Variants in AVPI1 observed in about 807,000 individuals in gnomAD.
AVPI1 encodes the protein arginine vasopressin-induced protein 1.
AVPI1 carries 9 observed loss-of-function variants against 11.9 expected under a neutral mutation model. The observed-to-expected ratio is 0.76, with a 90% CI of 0.46 to 1.32. The LOEUF (loss-of-function observed/expected upper bound fraction) is 1.32. Among genes scored for constraint, AVPI1 ranks in the 40% most tolerant of loss-of-function variants. The pLI, the probability that AVPI1 is intolerant of heterozygous loss-of-function variation, is 0.00. For missense variants in AVPI1, 207 were observed against 195.8 expected (o/e 1.06, Z -0.34); for synonymous variants, 68 against 78.1 (o/e 0.87, Z 0.68).
At position 97,677,721 on chromosome 10, in the gene AVPI1, G is replaced by A. The variant is rs916966163; in HGVS notation, c.*148C>T. ...ATGGAGAGCTCAACAGAAGCATCCA[G>A]TCTTGTTCTGAATGGAGCAGGTCAG... On this transcript the variant is annotated 3_prime_UTR_variant, in exon 3 of 3. Coordinates refer to ENST00000370626, the MANE Select transcript of AVPI1 (RefSeq NM_021732.3). 3.3e-6 allele frequency: 3 copies of A among 897,864 alleles called. No homozygotes were observed. Among genetic ancestry groups the A allele is most frequent in the Non-Finnish European group, 1.7e-6 (1 of 597,382 alleles). 55.6% of individuals were successfully genotyped at this position (897,864 alleles called of 1,614,324 possible).
rs1037420791 is a variant in AVPI1, at chr10:97,677,473, A to T, written c.*396T>A. 1 of 178,888 alleles carries T rather than the reference A, an allele frequency of 5.6e-6. No homozygotes were observed. Among genetic ancestry groups the T allele is most frequent in the African/African-American group, 2.4e-5 (1 of 42,116 alleles). 11.1% of individuals were successfully genotyped at this position (178,888 alleles called of 1,614,324 possible). A position where few individuals can be genotyped will look rare whatever the true frequency, so the allele number is the denominator to read the frequency against. On this transcript the variant is annotated 3_prime_UTR_variant, in exon 3 of 3. Transcript: ENST00000370626. ...ACTTAAACTACAGTTTCCCTGTGCT[A>T]TCCTGATGGTGTGGGGGTGTGGAAC...
At chr10:97,678,946 T>G (rs1564779870) in intron 2 of AVPI1, among the ~76,000 whole-genome samples, 2 of 43,182 alleles carry the variant, frequency 4.6e-5, no homozygotes, top group Admixed American at 2.8e-4. Context: ...TGTGTGTGTG[T>G]GTGTGTGTGT....
At chr10:97,685,764 G>A (rs1234474687) in intron 1 of AVPI1, among the ~76,000 whole-genome samples, 1 of 152,150 alleles carries the variant, frequency 6.6e-6, no homozygotes, top group African/African-American at 2.4e-5. Context: ...GAGGTATGCC[G>A]AGACAACTGG....
chr10:97,687,013 G>A lies in AVPI1; in HGVS notation c.-258C>T, dbSNP rs1250925229. On this transcript the variant is annotated 5_prime_UTR_variant, in exon 1 of 3. Coordinates refer to ENST00000370626, the MANE Select transcript of AVPI1 (RefSeq NM_021732.3). ...ACGTGGCCGCTTCGCAGAACGACGGGGTCCTAAGTGGATCTGGCGGTCGCG... is the reference window on the plus strand; with the variant it reads ...ACGTGGCCGCTTCGCAGAACGACGGAGTCCTAAGTGGATCTGGCGGTCGCG... 2 of 152,240 alleles carry A rather than the reference G, an allele frequency of 1.3e-5. No homozygotes were observed. The highest frequency in any genetic ancestry group is 2.1e-4 in the South Asian group (1 of 4,834). The allele number at this position is 152,240 out of a possible 1,614,324, so 9.4% of individuals were successfully genotyped here.
chr10:97,684,914 C>T (rs1362596929), intron 1 of AVPI1, among the ~76,000 whole-genome samples: 1 of 152,156 alleles, frequency 6.6e-6, no homozygotes, highest in Middle Eastern at 3.2e-3. Context: ...TTGGGAAAAC[C>T]GATGAAATGT....
chr10:97,685,102 C>A (rs2041722573), intron 1 of AVPI1, among the ~76,000 whole-genome samples: 1 of 152,030 alleles, frequency 6.6e-6, no homozygotes. Flanking sequence ...TAAAAGATTA[C>A]AAATGGACCT....
At chr10:97,685,760 T>C (rs1210165946) in intron 1 of AVPI1, among the ~76,000 whole-genome samples, 1 of 152,172 alleles carries the variant, frequency 6.6e-6, no homozygotes, top group Admixed American at 6.5e-5. Context: ...CAGGGAGGTA[T>C]GCCGAGACAA....
At chr10:97,679,500 C>T (rs1381284239) in intron 2 of AVPI1, 119 bp downstream of exon 2, 2 of 1,276,410 alleles carry the variant, frequency 1.6e-6, no homozygotes, top group Non-Finnish European at 1.1e-6. Flanking sequence ...TATAACCACC[C>T]CAATGGTGGG....
chr10:97,680,020 T>C (rs2041696365), intron 1 of AVPI1, 105 bp from the exon 2 acceptor site: 1 of 1,110,550 alleles, frequency 9.0e-7, no homozygotes. Context: ...CTCCAAGAGC[T>C]AAACTGGAGG....
At chr10:97,685,101 A>G (rs905608076) in intron 1 of AVPI1, among the ~76,000 whole-genome samples, 9 of 152,216 alleles carry the variant, frequency 5.9e-5, no homozygotes, top group African/African-American at 2.2e-4. Flanking sequence ...TTAAAAGATT[A>G]CAAATGGACC....
chr10:97,686,183 A>C (rs958153193), intron 1 of AVPI1, among the ~76,000 whole-genome samples: 3 of 152,178 alleles, frequency 2.0e-5, no homozygotes, highest in African/African-American at 7.2e-5. Flanking sequence ...GAAAAGGGAG[A>C]TTAAGTTTGT....
intron 1 of AVPI1, among the ~76,000 whole-genome samples, chr10:97,686,417 CAG>C (rs1254721518): frequency 6.6e-6 from 1 of 152,218 alleles, no homozygotes; most frequent in Non-Finnish European, 1.5e-5. Context: ...AGAGCACGTT[CAG>C]ATGGGTGCTT....
intron 1 of AVPI1, among the ~76,000 whole-genome samples, chr10:97,681,087 G>A (rs1426850315): frequency 6.6e-6 from 1 of 152,124 alleles, no homozygotes; most frequent in East Asian, 1.9e-4. Context: ...CATAGAACAG[G>A]TTTTGAGTTC....
At chr10:97,681,746 C>T (rs377028680) in intron 1 of AVPI1, among the ~76,000 whole-genome samples, 49 of 148,790 alleles carry the variant, frequency 3.3e-4, no homozygotes, top group African/African-American at 1.2e-3. Context: ...GGCGCGGTGG[C>T]GGGCGCCTGT....
At chr10:97,683,191 CTTG>C (rs781281872) in intron 1 of AVPI1, among the ~76,000 whole-genome samples, 6 of 151,932 alleles carry the variant, frequency 3.9e-5, no homozygotes, top group Non-Finnish European at 5.9e-5. Context: ...GAGTTTTGCT[CTTG>C]TTGTCCAGGT....
intron 1 of AVPI1, among the ~76,000 whole-genome samples, chr10:97,683,636 A>T (rs1057006541): frequency 6.6e-6 from 1 of 152,226 alleles, no homozygotes; most frequent in African/African-American, 2.4e-5. Context: ...GGAGCTGTGG[A>T]ATTTCGTTAG....
chr10:97,686,119 A>C (rs868347706), intron 1 of AVPI1, among the ~76,000 whole-genome samples: 1 of 152,206 alleles, frequency 6.6e-6, no homozygotes. Context: ...TGCCTCTATA[A>C]AATTTTAAAT....
At chr10:97,684,223 G>A (rs2135773038) in intron 1 of AVPI1, among the ~76,000 whole-genome samples, 1 of 152,270 alleles carries the variant, frequency 6.6e-6, no homozygotes, top group African/African-American at 2.4e-5. Flanking sequence ...GGTAGTAGGA[G>A]AAAGGGTGAT....
intron 1 of AVPI1, among the ~76,000 whole-genome samples, chr10:97,683,885 A>C (rs1589944717): frequency 6.6e-6 from 1 of 151,860 alleles, no homozygotes; most frequent in African/African-American, 2.4e-5. Context: ...TGTTACTGCT[A>C]TAAGAACAGC....
Sources: allele counts gnomAD v4.1 joint callset (sites outside exome capture counted in the v4.1 genomes callset), GRCh38; gene constraint gnomAD v4.1.1; transcripts MANE v1.5; gene names NCBI Gene and HGNC (gene_info 2026-07-23, HGNC 2026-07-21).